Variants in ADARB2 observed in about 807,000 individuals in gnomAD.
The protein encoded by ADARB2 is inactive double-stranded RNA-specific editase B2.
Under a neutral mutation model 62.2 loss-of-function variants are expected in ADARB2, and 25 were observed. The ratio of observed to expected loss-of-function variants is 0.40; its 90% confidence interval spans 0.29 to 0.56. ADARB2 has a LOEUF of 0.56. ADARB2 is among the 20% of genes least tolerant of loss of function. ADARB2 has a pLI of 0.43. For missense variants in ADARB2, 1,071 were observed against 1,077.4 expected, an observed-to-expected ratio of 0.99 and a Z score of 0.08; for synonymous variants, 572 against 500.8, an observed-to-expected ratio of 1.14 and a Z score of -1.90.
At chr10:1,278,935 G>A (rs900302295) in intron 3 of ADARB2, among the ~76,000 whole-genome samples, 1 of 152,170 alleles carries the variant, frequency 6.6e-6, no homozygotes, top group Non-Finnish European at 1.5e-5. Flanking sequence ...TCAACCTCTC[G>A]AATGAATGAC....
chr10:1,718,761 C>T (rs1419150474), intron 1 of ADARB2, among the ~76,000 whole-genome samples: 8 of 151,728 alleles, frequency 5.3e-5, no homozygotes, highest in South Asian at 4.2e-4. Context: ...TCTGCCCTCC[C>T]AGGAGGGGGC....
chr10:1,331,889 T>G (rs1831931316), intron 3 of ADARB2, among the ~76,000 whole-genome samples: 1 of 152,332 alleles, frequency 6.6e-6, no homozygotes, highest in African/African-American at 2.4e-5. Flanking sequence ...GTATTTGGAA[T>G]TATTCAGAGA....
At chr10:1,259,883 T>C (rs1831117416) in intron 4 of ADARB2, among the ~76,000 whole-genome samples, 1 of 152,222 alleles carries the variant, frequency 6.6e-6, no homozygotes, top group Non-Finnish European at 1.5e-5. Flanking sequence ...TTGATGAGCA[T>C]TGATGCAAAA....
At chr10:1,595,367 G>C in intron 1 of ADARB2, among the ~76,000 whole-genome samples, 1 of 152,296 alleles carries the variant, frequency 6.6e-6, no homozygotes, top group South Asian at 2.1e-4. Flanking sequence ...CTGAGCACCC[G>C]GCAGTGGCAT....
At chr10:1,647,877 G>A (rs989060366) in intron 1 of ADARB2, among the ~76,000 whole-genome samples, 14 of 151,976 alleles carry the variant, frequency 9.2e-5, no homozygotes, top group African/African-American at 2.9e-4. Flanking sequence ...TATGTGTGGT[G>A]TGTCTATATA....
chr10:1,290,155 C>A (rs563467467), intron 3 of ADARB2: 2 of 152,276 alleles, frequency 1.3e-5, no homozygotes, highest in African/African-American at 4.8e-5. Context: ...GGCTGAGTCT[C>A]TCTTGGTGCC....
intron 1 of ADARB2, among the ~76,000 whole-genome samples, chr10:1,449,041 T>C (rs1831005163): frequency 6.6e-6 from 1 of 152,164 alleles, no homozygotes; most frequent in Admixed American, 6.5e-5. Flanking sequence ...GGTAATTGTG[T>C]CCTGCACACC....
intron 7 of ADARB2, among the ~76,000 whole-genome samples, chr10:1,214,113 C>T (rs1475070572): frequency 1.8e-5 from 2 of 109,154 alleles, no homozygotes; most frequent in East Asian, 3.7e-4. Flanking sequence ...AGGTTTGCAC[C>T]TGTGTCCAGC....
At chr10:1,324,113 C>T (rs561704609) in intron 3 of ADARB2, among the ~76,000 whole-genome samples, 97 of 152,194 alleles carry the variant, frequency 6.4e-4, no homozygotes, top group African/African-American at 2.0e-3. Flanking sequence ...TCAGAGAAGA[C>T]GATACATGGA....
At chr10:1,315,050 G>A (rs766914228) in intron 3 of ADARB2, among the ~76,000 whole-genome samples, 52 of 152,278 alleles carry the variant, frequency 3.4e-4, no homozygotes, top group Non-Finnish European at 5.0e-4. Context: ...ACGAAGTAGC[G>A]TACAGTTAAG....
At chr10:1,429,962 G>A (rs1175565173) in intron 1 of ADARB2, among the ~76,000 whole-genome samples, 2 of 152,094 alleles carry the variant, frequency 1.3e-5, no homozygotes, top group Admixed American at 6.5e-5. Context: ...AAACAGAAAT[G>A]AAATAATAAC....
intron 2 of ADARB2, among the ~76,000 whole-genome samples, chr10:1,369,289 T>C (rs1045519552): frequency 2.6e-5 from 4 of 152,112 alleles, no homozygotes; most frequent in African/African-American, 7.2e-5. Context: ...TAGAAAGCTA[T>C]TGATGGAAAG....
At chr10:1,209,365 C>T (rs1837112762) in intron 7 of ADARB2, among the ~76,000 whole-genome samples, 1 of 147,500 alleles carries the variant, frequency 6.8e-6, no homozygotes. Context: ...ACACCGTCAC[C>T]CATGCCCACA....
chr10:1,653,123 G>T (rs113494360), intron 1 of ADARB2, among the ~76,000 whole-genome samples: 1 of 152,314 alleles, frequency 6.6e-6, no homozygotes, highest in African/African-American at 2.4e-5. Flanking sequence ...TTGTCTCCAA[G>T]GGCCACCTTC....
chr10:1,726,835 G>A (rs907416786), intron 1 of ADARB2, among the ~76,000 whole-genome samples: 2 of 152,128 alleles, frequency 1.3e-5, no homozygotes, highest in African/African-American at 4.8e-5. Context: ...ATCCCAGTGA[G>A]ACCTCAGGGG....
rs866024991 is a variant in ADARB2, at chr10:1,327,377, G to T, written c.1077+35651C>A. Among the ~76,000 whole-genome samples the T allele has an allele frequency of 8.2e-4, 17 of 20,608 alleles. 1 individual carries two copies. Among genetic ancestry groups the T allele is most frequent in the African/African-American group, 3.5e-3 (11 of 3,150 alleles). 13.5% of individuals were successfully genotyped at this position (20,608 alleles called of 152,430 possible). The stretch of plus-strand genomic sequence containing the variant: ...TCCTCACGGCCCAGCGCCTCCCCAC[G>T]GCACAGCGCCTCCCCACTGCACAGC... On this transcript the variant is annotated intron_variant, in intron 3 of 9. Transcript: ENST00000381312.
At chr10:1,696,450 T>C (rs537372118) in intron 1 of ADARB2, among the ~76,000 whole-genome samples, 12 of 152,334 alleles carry the variant, frequency 7.9e-5, no homozygotes, top group African/African-American at 1.4e-4. Context: ...ATTTCTCCTG[T>C]TTTTTTACTT....
chr10:1,319,659 C>CT (rs1831777953), intron 3 of ADARB2, among the ~76,000 whole-genome samples: 1 of 152,178 alleles, frequency 6.6e-6, no homozygotes, highest in South Asian at 2.1e-4. Context: ...ATTTTTCCTT[C>CT]TACAGAGTGT....
intron 1 of ADARB2, among the ~76,000 whole-genome samples, chr10:1,736,570 C>T (rs1452324845): frequency 1.3e-5 from 2 of 152,270 alleles, no homozygotes; most frequent in Admixed American, 1.3e-4. Flanking sequence ...TGAGTAAAAA[C>T]TGCCAGCCAA....
Sources: allele counts gnomAD v4.1 joint callset (sites outside exome capture counted in the v4.1 genomes callset), GRCh38; gene constraint gnomAD v4.1.1; transcripts MANE v1.5; gene names NCBI Gene and HGNC (gene_info 2026-07-23, HGNC 2026-07-21).